The following ST18 variants were observed in gnomAD, a reference collection of about 807,000 sequenced individuals.
ST18 encodes ST18 C2H2C-type zinc finger transcription factor, also known as suppression of tumorigenicity 18 protein.
A neutral mutation model predicts 110.0 loss-of-function variants in ST18; 50 were observed. That is an observed-to-expected ratio of 0.45 (90% confidence interval 0.36 to 0.58). The LOEUF is 0.58. Ranked by LOEUF, ST18 falls within the 20% of genes least tolerant of loss-of-function variation. The probability of loss-of-function intolerance (pLI) is 0.00; values close to 1 mark genes in which losing one functional copy is unlikely to be tolerated. For missense variants in ST18, 1,306 were observed against 1,280.1 expected, an observed-to-expected ratio of 1.02 and a Z score of -0.31; for synonymous variants, 461 against 452.4, an observed-to-expected ratio of 1.02 and a Z score of -0.24.
At chr8:52,255,299 C>T (rs2094490676) in intron 2 of ST18, among the ~76,000 whole-genome samples, 1 of 152,098 alleles carries the variant, frequency 6.6e-6, no homozygotes, top group African/African-American at 2.4e-5. Flanking sequence ...CTACTTTTTC[C>T]CCTGACTCCA....
intron 14 of ST18, 60 bp from the exon 15 acceptor site, chr8:52,159,169 T>C (rs2060775160): frequency 6.7e-7 from 1 of 1,503,002 alleles, no homozygotes; most frequent in Non-Finnish European, 9.0e-7. Context: ...TTAAACAGAT[T>C]TGTTTTTTTT....
Position 52,133,307 on chromosome 8 carries a change from AG to A in ST18, c.2301-7del. 1.2e-6 allele frequency: 2 copies of A among 1,614,148 alleles called. No individual in the cohort carries two copies. Among genetic ancestry groups the A allele is most frequent in the Non-Finnish European group, 1.7e-6 (2 of 1,180,022 alleles). The stretch of plus-strand genomic sequence containing the variant: ...CGCAGCCTGGGGTTGGACACCTGGA[AG>A]GCACAGGAAGAGAGCATGGGCTGAG... On this transcript the variant is annotated splice_region_variant and splice_polypyrimidine_tract_variant and intron_variant, in intron 19 of 25. Transcript: ENST00000689386.
intron 2 of ST18, among the ~76,000 whole-genome samples, chr8:52,291,437 T>G (rs1248104970): frequency 6.6e-6 from 1 of 152,240 alleles, no homozygotes; most frequent in Non-Finnish European, 1.5e-5. Flanking sequence ...GTTTAACCAC[T>G]TATCAAAAAT....
intron 9 of ST18, among the ~76,000 whole-genome samples, chr8:52,176,301 C>T (rs902675363): frequency 6.6e-6 from 1 of 152,246 alleles, no homozygotes; most frequent in Admixed American, 6.5e-5. Context: ...GGGTTACAGG[C>T]GTGAGCCACC....
intron 2 of ST18, among the ~76,000 whole-genome samples, chr8:52,287,280 TA>T (rs1280460572): frequency 1.3e-5 from 2 of 152,210 alleles, no homozygotes; most frequent in Admixed American, 1.3e-4. Context: ...GAACATTTTT[TA>T]AAGCATTACA....
intron 2 of ST18, among the ~76,000 whole-genome samples, chr8:52,234,726 A>G (rs1408970821): frequency 8.9e-6 from 1 of 112,696 alleles, no homozygotes; most frequent in Admixed American, 9.0e-5. Flanking sequence ...TAAAGAAACT[A>G]TGGTGTGTGT....
chr8:52,263,602 TTTG>T (rs1379423811), intron 2 of ST18, among the ~76,000 whole-genome samples: 2 of 137,528 alleles, frequency 1.5e-5, no homozygotes, highest in African/African-American at 5.7e-5. Flanking sequence ...ATGTAGTTTT[TTTG>T]TTTTGTTTTT....
chr8:52,363,651 T>C (rs550289657), intron 2 of ST18, among the ~76,000 whole-genome samples: 1 of 152,358 alleles, frequency 6.6e-6, no homozygotes, highest in East Asian at 1.9e-4. Context: ...TTACATGTGC[T>C]AGGCCTAAGC....
intron 21 of ST18, 62 bp downstream of exon 21, chr8:52,132,995 A>G (rs951457698): frequency 5.7e-5 from 90 of 1,578,220 alleles, no homozygotes; most frequent in Middle Eastern, 3.3e-4. Flanking sequence ...ATCCCAACCA[A>G]GTTCCCTCCC....
chr8:52,297,952 CGTT>C (rs1206816717), intron 2 of ST18, among the ~76,000 whole-genome samples: 1 of 152,218 alleles, frequency 6.6e-6, no homozygotes, highest in Non-Finnish European at 1.5e-5. Flanking sequence ...TTTTAATTCT[CGTT>C]GTTTTCCCCA....
intron 2 of ST18, among the ~76,000 whole-genome samples, chr8:52,325,625 G>T (rs1185047603): frequency 6.6e-6 from 1 of 152,058 alleles, no homozygotes; most frequent in East Asian, 1.9e-4. Flanking sequence ...AACGAAAACA[G>T]AATAATTCCT....
chr8:52,214,866 T>C (rs921182588), intron 6 of ST18, among the ~76,000 whole-genome samples: 1 of 152,196 alleles, frequency 6.6e-6, no homozygotes, highest in African/African-American at 2.4e-5. Flanking sequence ...GTGATATATG[T>C]GCCAGTGTCA....
chr8:52,408,246 C>T (rs1400625366), intron 2 of ST18, among the ~76,000 whole-genome samples: 1 of 152,212 alleles, frequency 6.6e-6, no homozygotes, highest in Non-Finnish European at 1.5e-5. Flanking sequence ...AGAATCACTA[C>T]TTTGGCATAA....
At chr8:52,321,088 A>G (rs1486496061) in intron 2 of ST18, among the ~76,000 whole-genome samples, 1 of 152,204 alleles carries the variant, frequency 6.6e-6, no homozygotes, top group African/African-American at 2.4e-5. Flanking sequence ...GTGTCACCAA[A>G]GTCACAGATT....
intron 2 of ST18, among the ~76,000 whole-genome samples, chr8:52,230,413 GAA>G (rs939965416): frequency 7.5e-6 from 1 of 133,274 alleles, no homozygotes; most frequent in South Asian, 2.4e-4. Context: ...CTTTTCTGAA[GAA>G]AAAAAAAAAA....
chr8:52,325,331 C>T (rs928504166), intron 2 of ST18, among the ~76,000 whole-genome samples: 3 of 152,068 alleles, frequency 2.0e-5, no homozygotes, highest in Admixed American at 2.0e-4. Flanking sequence ...TAGGTAAGAC[C>T]CGAAGAGATC....
At chr8:52,284,200 G>T (rs1021271628) in intron 2 of ST18, among the ~76,000 whole-genome samples, 1 of 152,188 alleles carries the variant, frequency 6.6e-6, no homozygotes, top group African/African-American at 2.4e-5. Context: ...GCCCTGCTGT[G>T]TGCAAAGGAT....
intron 2 of ST18, among the ~76,000 whole-genome samples, chr8:52,275,502 C>G (rs2095215354): frequency 6.6e-6 from 1 of 152,134 alleles, no homozygotes; most frequent in African/African-American, 2.4e-5. Flanking sequence ...AAGGTCCAAA[C>G]CATAATCATT....
chr8:52,150,258 A>ATG lies in ST18; in HGVS notation c.1807-283_1807-282dup, dbSNP rs10593387. On this transcript the variant is annotated intron_variant, in intron 15 of 25. Coordinates refer to ENST00000689386, the MANE Select transcript of ST18 (RefSeq NM_001352837.2). ...TATTGGCTAAAACAGTTTTATGAAA[A>ATG]TGTGTGTGTGTGTGTGTGTGTGTAT... 4.6e-3 allele frequency among the ~76,000 whole-genome samples: 682 copies of ATG among 149,854 alleles called. 4 individuals carry two copies. Among genetic ancestry groups the ATG allele is most frequent in the Middle Eastern group, 0.024 (7 of 290 alleles).
Sources: allele counts gnomAD v4.1 joint callset (sites outside exome capture counted in the v4.1 genomes callset), GRCh38; gene constraint gnomAD v4.1.1; transcripts MANE v1.5; gene names NCBI Gene and HGNC (gene_info 2026-07-23, HGNC 2026-07-21).